The following CEP57 variants were observed in gnomAD, a reference collection of about 807,000 sequenced individuals.
The protein encoded by CEP57 is centrosomal protein 57, also known as centrosomal protein of 57 kDa.
A neutral mutation model predicts 68.0 loss-of-function variants in CEP57; 40 were observed. The observed-to-expected ratio is 0.59, with a 90% CI of 0.46 to 0.77. CEP57 has a LOEUF of 0.77. Among genes scored for constraint, CEP57 ranks in the 30% least tolerant of loss-of-function variants. CEP57 has a pLI of 0.00. For missense variants in CEP57, 606 were observed against 580.7 expected, an observed-to-expected ratio of 1.04 and a Z score of -0.45; for synonymous variants, 219 against 198.7, an observed-to-expected ratio of 1.10 and a Z score of -0.86.
chr11:95,831,142 A>G lies in CEP57; in HGVS notation c.1389A>G (p.Lys463=), dbSNP rs1862990749. 12 of 1,613,486 alleles carry G rather than the reference A, an allele frequency of 7.4e-6. No homozygotes were observed. The highest frequency in any genetic ancestry group is 1.0e-5 in the Non-Finnish European group (12 of 1,179,654). Residue 463 remains lysine (K), a synonymous_variant, in exon 11 of 11, where the codon AAA becomes AAG. Coordinates refer to ENST00000325542, the MANE Select transcript of CEP57 (RefSeq NM_014679.5). ...GAATCACAGGGACCACAAATAAGAA[A>G]GATTTTATGAAACTGAGACCTGGAG... The part of the protein sequence containing the change: ...RSGITGTTNK[K]DFMKLRPGEK...
chr11:95,817,475 C>T (rs1170003268), intron 4 of CEP57, among the ~76,000 whole-genome samples: 3 of 152,154 alleles, frequency 2.0e-5, no homozygotes, highest in Non-Finnish European at 4.4e-5. Flanking sequence ...AACTACTTGA[C>T]AGGACCAAAC....
chr11:95,790,815 G>A, intron 1 of CEP57, 72 bp downstream of exon 1: 1 of 1,556,454 alleles, frequency 6.4e-7, no homozygotes, highest in Non-Finnish European at 8.8e-7. Flanking sequence ...CACGTTTCAG[G>A]GCGCTGTCAG....
At chr11:95,825,061 T>C (rs947642611) in intron 8 of CEP57, among the ~76,000 whole-genome samples, 1 of 152,192 alleles carries the variant, frequency 6.6e-6, no homozygotes, top group Admixed American at 6.5e-5. Context: ...GGCATGGAAG[T>C]AGTCTACTTG....
chr11:95,816,828 T>C (rs1485975980), intron 4 of CEP57, among the ~76,000 whole-genome samples: 1 of 152,040 alleles, frequency 6.6e-6, no homozygotes, highest in Non-Finnish European at 1.5e-5. Context: ...CTGGCCAACA[T>C]GGTGAAACCC....
intron 8 of CEP57, among the ~76,000 whole-genome samples, chr11:95,824,814 C>T (rs758060436): frequency 3.9e-5 from 6 of 152,190 alleles, no homozygotes; most frequent in Non-Finnish European, 8.8e-5. Flanking sequence ...ATCTATAAAG[C>T]TGCTAATCCC....
intron 9 of CEP57, among the ~76,000 whole-genome samples, chr11:95,828,785 A>G (rs1056116057): frequency 2.0e-5 from 3 of 152,142 alleles, no homozygotes; most frequent in Admixed American, 6.5e-5. Flanking sequence ...GATCTAGGCT[A>G]GGCATGGTGG....
At chr11:95,813,248 T>C in intron 3 of CEP57, 137 bp downstream of exon 3, 2 of 1,050,148 alleles carry the variant, frequency 1.9e-6, no homozygotes, top group East Asian at 2.6e-5. Context: ...CTGGTGCATT[T>C]TGAGGAGCAA....
chr11:95,817,994 T>G, intron 5 of CEP57, 91 bp downstream of exon 5: 2 of 782,868 alleles, frequency 2.6e-6, no homozygotes, highest in South Asian at 1.5e-5. Context: ...TTTATAGCAT[T>G]AAAAGTGATC....
Position 95,790,713 on chromosome 11 carries a change from T to C in CEP57, c.15T>C (p.Ser5=), listed in dbSNP as rs1860990343. ...CAGGCTGAAAGATGGCGGCGGCGTCTGTCTCTGCGGCTTCTGGTTCTCACT... is the reference window on the plus strand; with the variant it reads ...CAGGCTGAAAGATGGCGGCGGCGTCCGTCTCTGCGGCTTCTGGTTCTCACT... MAAA[S]VSAASGSHLS... The change falls in exon 1 of 11, where the codon TCT becomes TCC. Residue 5 remains serine (S), a synonymous_variant. Transcript: ENST00000325542. 3 of 1,614,000 alleles carry C rather than the reference T, an allele frequency of 1.9e-6. No individual in the cohort carries two copies. The highest frequency in any genetic ancestry group is 1.1e-5 in the South Asian group (1 of 91,066).
At chr11:95,790,849 A>C in intron 1 of CEP57, 106 bp downstream of exon 1, 1 of 1,359,544 alleles carries the variant, frequency 7.4e-7, no homozygotes, top group Non-Finnish European at 1.0e-6. Flanking sequence ...GCAATTCTGG[A>C]GGTCGGCGGG....
chr11:95,792,008 A>G (rs557857175), intron 1 of CEP57, among the ~76,000 whole-genome samples: 3 of 152,298 alleles, frequency 2.0e-5, no homozygotes, highest in African/African-American at 7.2e-5. Flanking sequence ...GGAAACGCTA[A>G]GAAAGCCTGG....
rs142615007 is a variant in CEP57 at position 95,818,862 on chromosome 11, A to G, written c.657A>G (p.Glu219=). The part of the protein sequence containing the change: ...KMQELEAKLH[E]EEQERKRMQA... ...AAGAGTTGGAAGCAAAACTCCATGA[A>G]GAAGAACAGGAAAGGAAACGCATGC... Residue 219 remains glutamate (E), a synonymous_variant, in exon 6 of 11, where the codon GAA becomes GAG. Coordinates refer to ENST00000325542, the MANE Select transcript of CEP57 (RefSeq NM_014679.5). 6.2e-7 allele frequency: 1 copy of G among 1,614,052 alleles called. No homozygotes were observed. The highest frequency in any genetic ancestry group is 1.3e-5 in the African/African-American group (1 of 75,058).
rs555857907 is a variant in CEP57 at position 95,813,671 on chromosome 11, G to A, written c.504+82G>A. ...GAATAAAGACTTTTTTTCTTTCGGTGAGGATTAATGGTGCTGTTACAGCCC... is the reference window on the plus strand; with the variant it reads ...GAATAAAGACTTTTTTTCTTTCGGTAAGGATTAATGGTGCTGTTACAGCCC... On this transcript the variant is annotated intron_variant, in intron 4 of 10. Coordinates refer to ENST00000325542, the MANE Select transcript of CEP57 (RefSeq NM_014679.5). 25 of 1,537,264 alleles carry A rather than the reference G, an allele frequency of 1.6e-5. No individual in the cohort carries two copies. In the African/African-American group the frequency reaches 3.1e-4, roughly 19 times the overall value.
chr11:95,827,928 G>A lies in CEP57; in HGVS notation c.1028G>A (p.Ser343Asn). The A allele has an allele frequency of 6.2e-7, 1 of 1,614,116 alleles. No homozygotes were observed. Among genetic ancestry groups the A allele is most frequent in the Non-Finnish European group, 8.5e-7 (1 of 1,180,010 alleles). Residue 343 changes from serine to asparagine, a missense_variant, in exon 9 of 11, where the codon AGT (serine) becomes AAT (asparagine). By Grantham distance (46) the Ser-to-Asn change is conservative. Coordinates refer to ENST00000325542, the MANE Select transcript of CEP57 (RefSeq NM_014679.5). ...AKQVSSRGGK[S>N]KKLSVTPPSS... is the part of the protein sequence containing the mutation. ...CAAGTATCTTCACGAGGTGGTAAAA[G>A]TAAGAAGTTGTCAGTAACACCTCCC...
upstream of CEP57, chr11:95,790,383 C>T: frequency 4.2e-6 from 2 of 475,484 alleles, no homozygotes; most frequent in Non-Finnish European, 7.6e-6. Flanking sequence ...CCCCAGCGGG[C>T]CCCGTTACGC....
chr11:95,793,738 A>G (rs1208304667), intron 1 of CEP57, among the ~76,000 whole-genome samples: 1 of 152,214 alleles, frequency 6.6e-6, no homozygotes, highest in Non-Finnish European at 1.5e-5. Flanking sequence ...AATGAGCAAA[A>G]TGAGGCACAG....
At chr11:95,810,161 T>C (rs1861991727) in intron 2 of CEP57, among the ~76,000 whole-genome samples, 1 of 152,178 alleles carries the variant, frequency 6.6e-6, no homozygotes, top group Admixed American at 6.5e-5. Flanking sequence ...CCCTTCATGC[T>C]AAAAACTCTC....
At chr11:95,827,518 GA>G (rs774647829) in intron 8 of CEP57, 6 of 410,136 alleles carry the variant, frequency 1.5e-5, no homozygotes, top group Non-Finnish European at 2.7e-5. Flanking sequence ...AAAATGGAGA[GA>G]AGGGGAGGAT....
At chr11:95,816,758 G>T (rs1862312565) in intron 4 of CEP57, among the ~76,000 whole-genome samples, 1 of 152,114 alleles carries the variant, frequency 6.6e-6, no homozygotes, top group Admixed American at 6.6e-5. Flanking sequence ...TAGTATATTT[G>T]AAATTATCCT....
Sources: allele counts gnomAD v4.1 joint callset (sites outside exome capture counted in the v4.1 genomes callset), GRCh38; gene constraint gnomAD v4.1.1; transcripts MANE v1.5; gene names NCBI Gene and HGNC (gene_info 2026-07-23, HGNC 2026-07-21).